The following GCM1 variants were observed in gnomAD, a reference collection of about 807,000 sequenced individuals.
GCM1 encodes GCM transcription factor 1.
Under a neutral mutation model 25.7 loss-of-function variants are expected in GCM1, and 2 were observed. The ratio of observed to expected loss-of-function variants is 0.08; its 90% confidence interval spans 0.03 to 0.24. The LOEUF is 0.24. Ranked by LOEUF, GCM1 falls within the 10% of genes least tolerant of loss-of-function variation. GCM1 has a pLI of 1.00. For missense variants in GCM1, 395 were observed against 538.7 expected, an observed-to-expected ratio of 0.73 and a Z score of 2.64; for synonymous variants, 183 against 195.7, an observed-to-expected ratio of 0.94 and a Z score of 0.54.
intron 1 of GCM1, among the ~76,000 whole-genome samples, chr6:53,148,067 A>G (rs539174494): frequency 1.3e-5 from 2 of 152,354 alleles, no homozygotes; most frequent in East Asian, 3.9e-4. Context: ...TTGATTTTCA[A>G]GACTAAATCC....
intron 4 of GCM1, 36 bp downstream of exon 4, chr6:53,131,971 A>G: frequency 9.6e-6 from 11 of 1,151,288 alleles, no homozygotes; most frequent in Non-Finnish European, 1.5e-5. Context: ...ACTCCTCAGT[A>G]ATGAAACTCT....
chr6:53,128,028 CAAAAAAAAAAA>C lies in GCM1; in HGVS notation c.*167_*177del, dbSNP rs1223691364. The C allele has an allele frequency of 1.2e-4, 8 of 66,442 alleles. No individual in the cohort carries two copies. The highest frequency in any genetic ancestry group is 4.3e-4 in the East Asian group (1 of 2,330). 4.1% of individuals were successfully genotyped at this position (66,442 alleles called of 1,614,324 possible). On this transcript the variant is annotated 3_prime_UTR_variant, in exon 6 of 6. Transcript: ENST00000259803. ...TGGGCAAAAGAGCAAGACTCTGTCTCAAAAAAAAAAAAAAAAAAAAAAAAAGAAGGAAAAAA... is the reference window on the plus strand; with the variant it reads ...TGGGCAAAAGAGCAAGACTCTGTCTCAAAAAAAAAAAAAAGAAGGAAAAAA...
intron 2 of GCM1, 60 bp from the exon 3 acceptor site, chr6:53,134,384 C>T: frequency 1.3e-6 from 2 of 1,513,244 alleles, no homozygotes; most frequent in African/African-American, 1.4e-5. Context: ...CTGTCACCCA[C>T]TGTGGAGTGA....
Position 53,142,000 on chromosome 6 carries a change from GAAAAAAAAAAAAAAAAAAAAA to G in GCM1, c.75+3537_75+3557del, listed in dbSNP as rs59663630. On this transcript the variant is annotated intron_variant, in intron 2 of 5. Transcript: ENST00000259803. Reference sequence around the variant, plus strand: ...GCTTGGGTAATGAGAGTGAGACCCTGAAAAAAAAAAAAAAAAAAAAAAAAAAAAAAAAAAAAAAAAACAGAA... The same window carrying G: ...GCTTGGGTAATGAGAGTGAGACCCTGAAAAAAAAAAAAAAAAAAAACAGAA... Among the ~76,000 whole-genome samples, 78 of 12,298 alleles carry G rather than the reference GAAAAAAAAAAAAAAAAAAAAA, an allele frequency of 6.3e-3. No homozygotes were observed. The East Asian group carries it at 0.078, about 12-fold the overall frequency. The allele number at this position is 12,298 out of a possible 152,430, so 8.1% of individuals were successfully genotyped here. A position where few individuals can be genotyped will look rare whatever the true frequency, so the allele number is the denominator to read the frequency against.
intron 4 of GCM1, 115 bp from the exon 5 acceptor site, chr6:53,131,046 G>T (rs1427814394): frequency 1.0e-6 from 1 of 961,616 alleles, no homozygotes; most frequent in Non-Finnish European, 1.6e-6. Flanking sequence ...TGTTGCAGTT[G>T]CCTATGGTAA....
intron 2 of GCM1, among the ~76,000 whole-genome samples, chr6:53,137,133 T>C (rs1470298691): frequency 1.3e-5 from 2 of 152,162 alleles, no homozygotes; most frequent in Non-Finnish European, 2.9e-5. Flanking sequence ...GGGAAGGGTA[T>C]AAATAATAGG....
In GCM1 at chr6:53,128,028, CAAAAAAAAAA is replaced by C. The variant is rs1223691364; in HGVS notation, c.*168_*177del. The C allele has an allele frequency of 3.3e-4, 22 of 66,440 alleles. No individual in the cohort carries two copies. In the East Asian group the frequency reaches 5.6e-3, roughly 17 times the overall value. 4.1% of individuals were successfully genotyped at this position (66,440 alleles called of 1,614,324 possible). A position where few individuals can be genotyped will look rare whatever the true frequency, so the allele number is the denominator to read the frequency against. ...TGGGCAAAAGAGCAAGACTCTGTCT[CAAAAAAAAAA>C]AAAAAAAAAAAAAAAGAAGGAAAAA... On this transcript the variant is annotated 3_prime_UTR_variant, in exon 6 of 6. Transcript: ENST00000259803.
chr6:53,135,150 AG>A (rs1450640373), intron 2 of GCM1, among the ~76,000 whole-genome samples: 2 of 152,224 alleles, frequency 1.3e-5, no homozygotes, highest in Non-Finnish European at 2.9e-5. Context: ...ACAGACAAGG[AG>A]AGTTGTCATT....
chr6:53,146,590 C>T (rs76596801), intron 1 of GCM1, among the ~76,000 whole-genome samples: 56 of 152,284 alleles, frequency 3.7e-4, no homozygotes, highest in African/African-American at 1.1e-3. Context: ...AAATCCTGTG[C>T]GCACGATATA....
chr6:53,129,003 C>T, intron 5 of GCM1, 57 bp from the exon 6 acceptor site: 1 of 1,363,434 alleles, frequency 7.3e-7, no homozygotes, highest in Non-Finnish European at 1.0e-6. Flanking sequence ...AAACCACTGC[C>T]ATAGGCACCC....
chr6:53,144,914 CAAA>C (rs11286993), intron 2 of GCM1, among the ~76,000 whole-genome samples: 9 of 70,708 alleles, frequency 1.3e-4, no homozygotes, highest in Admixed American at 3.6e-4. Context: ...GACCCTACCT[CAAA>C]AAAAAAAAAA....
intron 2 of GCM1, among the ~76,000 whole-genome samples, chr6:53,144,263 A>AT (rs149706634): frequency 0.061 from 9,159 of 150,510 alleles, 653 homozygotes; most frequent in African/African-American, 0.18. Flanking sequence ...TCTCAAAAAC[A>AT]TTTTTTTTTC....
chr6:53,130,121 T>C (rs1395673772), intron 5 of GCM1, among the ~76,000 whole-genome samples: 1 of 152,172 alleles, frequency 6.6e-6, no homozygotes, highest in Non-Finnish European at 1.5e-5. Flanking sequence ...ACATTACAAT[T>C]TTTTTAAATA....
At chr6:53,135,887 C>T (rs566505025) in intron 2 of GCM1, among the ~76,000 whole-genome samples, 9 of 152,316 alleles carry the variant, frequency 5.9e-5, no homozygotes, top group Non-Finnish European at 1.0e-4. Context: ...TTAGAACGTG[C>T]CAAAGAACTT....
chr6:53,136,622 G>A (rs568835360), intron 2 of GCM1, among the ~76,000 whole-genome samples: 1 of 152,324 alleles, frequency 6.6e-6, no homozygotes, highest in African/African-American at 2.4e-5. Context: ...TTGGGAGAGA[G>A]AAGACCCAGT....
chr6:53,132,724 GAGA>G (rs1763743365), intron 3 of GCM1, among the ~76,000 whole-genome samples: 1 of 152,036 alleles, frequency 6.6e-6, no homozygotes, highest in African/African-American at 2.4e-5. Flanking sequence ...AAATAAAAAA[GAGA>G]AGTTCTTTCA....
Position 53,128,722 on chromosome 6 carries a change from C to G in GCM1, c.795G>C (p.Lys265Asn), listed in dbSNP as rs3799267. The change falls in exon 6 of 6, where the codon AAG becomes AAC. Residue 265 changes from lysine (K) to asparagine (N), a missense_variant. Lys to Asn is a moderately conservative substitution (Grantham distance 94, BLOSUM62 0). Coordinates refer to ENST00000259803, the MANE Select transcript of GCM1 (RefSeq NM_003643.4). ...AGGTTCTGCTACTGGACAATTTGCG[C>G]TTTTCATAGAGCTTCATGGGGTCCA... ...STVDPMKLYE[K>N]RKLSSSRTYS... 6.2e-7 allele frequency: 1 copy of G among 1,614,124 alleles called. No homozygotes were observed. The highest frequency in any genetic ancestry group is 1.7e-5 in the Admixed American group (1 of 60,014).
chr6:53,145,571 A>T lies in GCM1; in HGVS notation c.62T>A (p.Val21Glu). Reference sequence around the variant, plus strand: ...GCAAGTACATACCTGTGGCAGTTTCACATCATTAATATCCCAGCTTAATAT... The same window carrying T: ...GCAAGTACATACCTGTGGCAGTTTCTCATCATTAATATCCCAGCTTAATAT... ...KEILSWDIND[V>E]KLPQNVKKTD... Residue 21 changes from valine (V) to glutamate (E), a missense_variant, in exon 2 of 6, where the codon GTG becomes GAG. Around this residue, in one of 5 missense-constraint regions of GCM1, gnomAD observed 44 missense variants for 60.8 expected, o/e 0.72. Coordinates refer to ENST00000259803, the MANE Select transcript of GCM1 (RefSeq NM_003643.4). The T allele has an allele frequency of 6.4e-7, 1 of 1,564,828 alleles. No individual in the cohort carries two copies.
intron 2 of GCM1, among the ~76,000 whole-genome samples, chr6:53,139,801 C>T (rs902743230): frequency 2.0e-5 from 3 of 152,074 alleles, no homozygotes; most frequent in Non-Finnish European, 4.4e-5. Flanking sequence ...GCAGAGGTTG[C>T]AGTGAGCTGG....
Sources: allele counts gnomAD v4.1 joint callset (sites outside exome capture counted in the v4.1 genomes callset), GRCh38; gene constraint gnomAD v4.1.1; regional missense constraint gnomAD v4.1.1; transcripts MANE v1.5; gene names NCBI Gene and HGNC (gene_info 2026-07-23, HGNC 2026-07-21).